NFIB: variants seen among roughly 807,000 people sequenced by gnomAD.
NFIB encodes nuclear factor 1 B-type.
NFIB carries 11 observed loss-of-function variants against 61.5 expected under a neutral mutation model. The observed-to-expected ratio is 0.18, with a 90% CI of 0.11 to 0.30. NFIB has a LOEUF of 0.30. NFIB is among the 10% of genes least tolerant of loss of function. The pLI, the probability that NFIB is intolerant of heterozygous loss-of-function variation, is 1.00. For synonymous variants in NFIB, 260 were observed against 216.5 expected, an observed-to-expected ratio of 1.20 and a Z score of -1.76; for missense variants, 471 against 608.9, an observed-to-expected ratio of 0.77 and a Z score of 2.38.
chr9:14,460,591 C>T, the NFIB span, among the ~76,000 whole-genome samples: 1 of 152,016 alleles, frequency 6.6e-6, no homozygotes, highest in Non-Finnish European at 1.5e-5. Context: ...AACACCCACA[C>T]ACAAAAATCC....
the NFIB span, among the ~76,000 whole-genome samples, chr9:14,513,214 TTTC>T: frequency 6.6e-6 from 1 of 152,214 alleles, no homozygotes; most frequent in African/African-American, 2.4e-5. Context: ...CTCTATTGTT[TTTC>T]TTCTAGCTCA....
the NFIB span, among the ~76,000 whole-genome samples, chr9:14,437,178 T>C: frequency 2.6e-5 from 4 of 152,242 alleles, no homozygotes; most frequent in African/African-American, 7.2e-5. Flanking sequence ...TTTATGCCTC[T>C]GACATGCCAT....
the NFIB span, among the ~76,000 whole-genome samples, chr9:14,449,537 G>T: frequency 1.3e-5 from 2 of 152,202 alleles, no homozygotes; most frequent in African/African-American, 4.8e-5. Context: ...TGAGTTGAAA[G>T]TGTGATCATA....
the NFIB span, among the ~76,000 whole-genome samples, chr9:14,420,525 A>G: frequency 6.7e-6 from 1 of 148,946 alleles, no homozygotes; most frequent in Non-Finnish European, 1.5e-5. Context: ...CCAACCCCCC[A>G]AATATTTTCA....
the NFIB span, among the ~76,000 whole-genome samples, chr9:14,500,335 C>A: frequency 6.6e-6 from 1 of 152,140 alleles, no homozygotes; most frequent in African/African-American, 2.4e-5. Flanking sequence ...CAGAAAGAGG[C>A]AAGAACACGT....
At chr9:14,297,125 TG>T (rs1426884598) in intron 2 of NFIB, among the ~76,000 whole-genome samples, 4 of 152,200 alleles carry the variant, frequency 2.6e-5, no homozygotes, top group Admixed American at 6.5e-5. Context: ...ATTCTTTCGA[TG>T]TAGGAACTGA....
chr9:14,137,043 G>C (rs1411657824), intron 6 of NFIB, among the ~76,000 whole-genome samples: 2 of 152,146 alleles, frequency 1.3e-5, no homozygotes, highest in Admixed American at 1.3e-4. Context: ...AAATTCATCA[G>C]TAACAAAACC....
intron 2 of NFIB, among the ~76,000 whole-genome samples, chr9:14,185,042 A>C (rs1336779404): frequency 6.6e-6 from 1 of 151,294 alleles, no homozygotes; most frequent in Admixed American, 6.6e-5. Context: ...ATGCTTATTA[A>C]ATTTATATTT....
intron 1 of NFIB, among the ~76,000 whole-genome samples, chr9:14,329,439 T>C (rs2060794483): frequency 6.6e-6 from 1 of 152,188 alleles, no homozygotes; most frequent in Non-Finnish European, 1.5e-5. Flanking sequence ...TAACATTTGA[T>C]GTCCACATGC....
the NFIB span, among the ~76,000 whole-genome samples, chr9:14,462,201 A>C: frequency 6.6e-6 from 1 of 152,168 alleles, no homozygotes; most frequent in South Asian, 2.1e-4. Flanking sequence ...TGCATAAAAT[A>C]TATTCTTTGG....
Position 14,086,661 on chromosome 9 carries a change from T to C in NFIB, c.*1648A>G, listed in dbSNP as rs2032909693. The C allele has an allele frequency of 4.6e-6, 1 of 217,414 alleles. No homozygotes were observed. Among genetic ancestry groups the C allele is most frequent in the Non-Finnish European group, 9.3e-6 (1 of 107,836 alleles). The allele number at this position is 217,414 out of a possible 1,614,324, so 13.5% of individuals were successfully genotyped here. ...GTATAACTGTCTAAAAAATCCATGA[T>C]GTCACACATTTTTCTTCGTCTGGAG... On this transcript the variant is annotated 3_prime_UTR_variant, in exon 11 of 11. Transcript: ENST00000380953.
chr9:14,470,647 C>T, the NFIB span, among the ~76,000 whole-genome samples: 4 of 152,100 alleles, frequency 2.6e-5, no homozygotes, highest in Non-Finnish European at 4.4e-5. Flanking sequence ...CGAGCAGACA[C>T]GCAGGCAGGC....
chr9:14,303,538 G>C (rs768787029), intron 2 of NFIB, among the ~76,000 whole-genome samples: 2 of 152,012 alleles, frequency 1.3e-5, no homozygotes, highest in Non-Finnish European at 2.9e-5. Flanking sequence ...AGTTTTTTTA[G>C]ACAAAACCTA....
chr9:14,497,406 G>C, the NFIB span, among the ~76,000 whole-genome samples: 2 of 152,208 alleles, frequency 1.3e-5, no homozygotes, highest in African/African-American at 4.8e-5. Flanking sequence ...CTAAATGGCA[G>C]TTCACCAGTG....
At chr9:14,208,547 T>C (rs2049988195) in intron 2 of NFIB, among the ~76,000 whole-genome samples, 1 of 152,006 alleles carries the variant, frequency 6.6e-6, no homozygotes, top group Admixed American at 6.6e-5. Context: ...TTCCTGGTAT[T>C]TTTACTTAAA....
chr9:14,498,654 T>G, the NFIB span, among the ~76,000 whole-genome samples: 1 of 152,016 alleles, frequency 6.6e-6, no homozygotes, highest in South Asian at 2.1e-4. Flanking sequence ...AAGTTCCAAA[T>G]CACAGGGAGT....
chr9:14,120,691 G>A lies in NFIB; in HGVS notation c.1061-67C>T. On this transcript the variant is annotated intron_variant, in intron 7 of 10. Transcript: ENST00000380953. The surrounding 1 kb of genome is among the most constrained non-coding windows in gnomAD (Gnocchi z 4.4). ...TACCTTATTGCTCCATTCTGATCCT[G>A]AAGAATGCTGTGAAACTACAAAACT... The A allele has an allele frequency of 7.0e-7, 1 of 1,432,182 alleles. No individual in the cohort carries two copies. Among genetic ancestry groups the A allele is most frequent in the Non-Finnish European group, 9.4e-7 (1 of 1,068,414 alleles). 88.7% of individuals were successfully genotyped at this position (1,432,182 alleles called of 1,614,324 possible).
chr9:14,177,398 G>A (rs1349494311), intron 3 of NFIB, among the ~76,000 whole-genome samples: 1 of 151,994 alleles, frequency 6.6e-6, no homozygotes, highest in African/African-American at 2.4e-5. Context: ...TTATATTCTA[G>A]GTTTAATTTA....
intron 2 of NFIB, among the ~76,000 whole-genome samples, chr9:14,196,688 T>TAAAA (rs35353437): frequency 7.1e-6 from 1 of 140,412 alleles, no homozygotes; most frequent in African/African-American, 2.6e-5. Flanking sequence ...TATTCTAACT[T>TAAAA]AAAAAAAAAA....
Sources: allele counts gnomAD v4.1 joint callset (sites outside exome capture counted in the v4.1 genomes callset), GRCh38; gene constraint gnomAD v4.1.1; non-coding constraint Gnocchi (gnomAD v3.1); transcripts MANE v1.5; gene names NCBI Gene and HGNC (gene_info 2026-07-23, HGNC 2026-07-21).